UBXN4: variants seen among roughly 807,000 people sequenced by gnomAD.
UBXN4 encodes the protein UBX domain protein 4.
A neutral mutation model predicts 66.2 loss-of-function variants in UBXN4; 35 were observed. The observed-to-expected ratio is 0.53, with a 90% CI of 0.40 to 0.70. The LOEUF is 0.70. Among genes scored for constraint, UBXN4 ranks in the 30% least tolerant of loss-of-function variants. The pLI, the probability that UBXN4 is intolerant of heterozygous loss-of-function variation, is 0.00. For synonymous variants in UBXN4, 203 were observed against 204.5 expected, an observed-to-expected ratio of 0.99 and a Z score of 0.06; for missense variants, 533 against 599.8, an observed-to-expected ratio of 0.89 and a Z score of 1.16.
At position 135,784,866 on chromosome 2, in the gene UBXN4, A is replaced by C. The variant is rs1419930314; in HGVS notation, c.*1979A>C. The C allele has an allele frequency of 6.6e-6, 1 of 152,392 alleles. No individual in the cohort carries two copies. The highest frequency in any genetic ancestry group is 1.9e-4 in the East Asian group (1 of 5,190). The allele number at this position is 152,392 out of a possible 1,614,324, so 9.4% of individuals were successfully genotyped here. On this transcript the variant is annotated 3_prime_UTR_variant, in exon 13 of 13. Transcript: ENST00000272638. The stretch of plus-strand genomic sequence containing the variant: ...CTCAATTTTGTATTTTTAAAAGTAC[A>C]TGGTAAAAAAAAAAATTCACAACAG...
intron 6 of UBXN4, among the ~76,000 whole-genome samples, chr2:135,763,766 C>T (rs944304526): frequency 6.6e-6 from 1 of 151,958 alleles, no homozygotes; most frequent in Non-Finnish European, 1.5e-5. Context: ...GTCAAGGCTG[C>T]AGTGAGCCAT....
chr2:135,745,875 C>CTTTATTTTTTTTTT, intron 1 of UBXN4, among the ~76,000 whole-genome samples: 1 of 74,394 alleles, frequency 1.3e-5, no homozygotes, highest in Non-Finnish European at 2.3e-5. Context: ...GTCCCGTTTA[C>CTTTATTTTTTTTTT]TTTTTTTTTT....
chr2:135,741,937 G>T lies in UBXN4; in HGVS notation c.8G>T (p.Trp3Leu). 1.2e-6 allele frequency: 2 copies of T among 1,612,820 alleles called. No individual in the cohort carries two copies. The highest frequency in any genetic ancestry group is 1.7e-6 in the Non-Finnish European group (2 of 1,179,514). The part of the protein sequence containing the change: ML[W>L]FQGAIPAAIA... Reference sequence around the variant, plus strand: ...CTGGGCCCGAAGGGAGCGATGCTGTGGTTCCAGGGCGCCATTCCGGCCGCC... The same window carrying T: ...CTGGGCCCGAAGGGAGCGATGCTGTTGTTCCAGGGCGCCATTCCGGCCGCC... Residue 3 changes from tryptophan to leucine, a missense_variant, in exon 1 of 13, where the codon TGG (tryptophan) becomes TTG (leucine). Transcript: ENST00000272638.
chr2:135,745,924 C>T (rs1164488133), intron 1 of UBXN4, among the ~76,000 whole-genome samples: 1 of 120,496 alleles, frequency 8.3e-6, no homozygotes, highest in Admixed American at 1.1e-4. Context: ...TGCCGCCAGG[C>T]TGGAGTACAG....
intron 4 of UBXN4, among the ~76,000 whole-genome samples, chr2:135,755,217 T>A (rs767752975): frequency 1.3e-5 from 2 of 152,272 alleles, no homozygotes; most frequent in Non-Finnish European, 2.9e-5. Context: ...TAATTAATCA[T>A]TTCTGTCTAC....
chr2:135,758,745 A>G lies in UBXN4; in HGVS notation c.508+3054A>G, dbSNP rs183398344. On this transcript the variant is annotated intron_variant, in intron 5 of 12. Coordinates refer to ENST00000272638, the MANE Select transcript of UBXN4 (RefSeq NM_014607.4). ...GAATATAAATCTTTTAAGATTATAT[A>G]TAGTTGCCTTTTAAAATAATTTTTT... Among the ~76,000 whole-genome samples, 23 of 152,238 alleles carry G rather than the reference A, an allele frequency of 1.5e-4. No homozygotes were observed. In the East Asian group the frequency reaches 3.9e-3, roughly 26 times the overall value.
In UBXN4 at chr2:135,769,776, A is replaced by G. The variant is rs999089927; in HGVS notation, c.610A>G (p.Lys204Glu). Reference protein sequence around the residue: ...DLNIRVERLTKKLEERREEKR... With the variant: ...DLNIRVERLTEKLEERREEKR... ...TTTTTTTTTTTAATACAGACTAACA[A>G]AAAAACTTGAAGAAAGGAGAGAAGA... The change falls in exon 7 of 13, where the codon AAA (lysine) becomes GAA (glutamate). Residue 204 changes from lysine (K) to glutamate (E), a missense_variant. Transcript: ENST00000272638. The G allele has an allele frequency of 1.3e-6, 2 of 1,590,370 alleles. No homozygotes were observed. The highest frequency in any genetic ancestry group is 1.7e-6 in the Non-Finnish European group (2 of 1,172,770).
chr2:135,746,815 G>A (rs2077209882), intron 1 of UBXN4, among the ~76,000 whole-genome samples: 1 of 152,158 alleles, frequency 6.6e-6, no homozygotes, highest in Non-Finnish European at 1.5e-5. Context: ...GCCCTGTAAG[G>A]ACTTTGGCTT....
chr2:135,762,292 C>T (rs6708729), intron 6 of UBXN4, among the ~76,000 whole-genome samples: 8,896 of 152,188 alleles, frequency 0.058, 450 homozygotes, highest in South Asian at 0.19. Flanking sequence ...AAGTGGGTGT[C>T]TACTAAGTGG....
chr2:135,773,857 C>G (rs1433129424), intron 9 of UBXN4, among the ~76,000 whole-genome samples: 1 of 151,978 alleles, frequency 6.6e-6, no homozygotes, highest in East Asian at 1.9e-4. Context: ...CTAAAAATGA[C>G]AAAACATTGT....
intron 2 of UBXN4, among the ~76,000 whole-genome samples, chr2:135,750,692 T>A (rs1394548679): frequency 1.3e-5 from 2 of 149,478 alleles, no homozygotes; most frequent in East Asian, 3.9e-4. Context: ...TTTAAGTATA[T>A]CTTTTTTTTT....
At chr2:135,773,376 C>T (rs369795911) in intron 9 of UBXN4, among the ~76,000 whole-genome samples, 24 of 152,228 alleles carry the variant, frequency 1.6e-4, no homozygotes, top group East Asian at 5.8e-4. Flanking sequence ...CCTCCTGGCA[C>T]TTTCAGGACC....
intron 9 of UBXN4, among the ~76,000 whole-genome samples, chr2:135,774,460 A>G (rs1355512305): frequency 6.6e-6 from 1 of 152,222 alleles, no homozygotes; most frequent in African/African-American, 2.4e-5. Context: ...ATTGTTAGAC[A>G]TGGCACTAAA....
chr2:135,761,320 G>A (rs1440471500), intron 5 of UBXN4, among the ~76,000 whole-genome samples: 1 of 152,226 alleles, frequency 6.6e-6, no homozygotes, highest in Non-Finnish European at 1.5e-5. Flanking sequence ...TTGGACCAGT[G>A]TAAGTCCAGA....
chr2:135,772,294 G>C (rs1305505635), intron 8 of UBXN4, 126 bp from the exon 9 acceptor site: 1 of 1,168,006 alleles, frequency 8.6e-7, no homozygotes, highest in Non-Finnish European at 1.2e-6. Context: ...CTGCACTCCA[G>C]CCTTGATGAC....
intron 6 of UBXN4, among the ~76,000 whole-genome samples, chr2:135,768,063 C>T (rs1481336846): frequency 6.6e-6 from 1 of 151,966 alleles, no homozygotes; most frequent in African/African-American, 2.4e-5. Flanking sequence ...AGAGAAAATA[C>T]CATTTTCATT....
intron 10 of UBXN4, 43 bp from the exon 11 acceptor site, chr2:135,778,901 TCTTA>T (rs777412480): frequency 1.0e-5 from 16 of 1,546,678 alleles, no homozygotes; most frequent in Non-Finnish European, 1.4e-5. Context: ...CTGAGTAATA[TCTTA>T]CTTTTAAAGG....
chr2:135,744,843 A>T (rs527565138), intron 1 of UBXN4, among the ~76,000 whole-genome samples: 11 of 152,328 alleles, frequency 7.2e-5, no homozygotes, highest in African/African-American at 2.2e-4. Context: ...CATCCCACTC[A>T]GTAGTATTAG....
At chr2:135,762,001 C>G (rs369987807) in intron 6 of UBXN4, 90 bp downstream of exon 6, 6 of 1,313,382 alleles carry the variant, frequency 4.6e-6, no homozygotes, top group Non-Finnish European at 6.3e-6. Context: ...TAAAGTTATA[C>G]AAATGAAGTT....
Sources: gnomAD v4.1 joint callset for allele counts (sites outside exome capture counted in the v4.1 genomes callset) on GRCh38, gnomAD v4.1.1 for gene constraint, MANE v1.5 for transcripts, NCBI Gene and HGNC (gene_info 2026-07-23, HGNC 2026-07-21) for gene names.